PPP4R3A: variants seen among roughly 807,000 people sequenced by gnomAD.
PPP4R3A encodes protein phosphatase 4 regulatory subunit 3A, also known as serine/threonine-protein phosphatase 4 regulatory subunit 3A.
Under a neutral mutation model 91.7 loss-of-function variants are expected in PPP4R3A, and 15 were observed. The observed-to-expected ratio is 0.16, with a 90% CI of 0.11 to 0.25. PPP4R3A has a LOEUF of 0.25. Among genes scored for constraint, PPP4R3A ranks in the 10% least tolerant of loss-of-function variants. The probability of loss-of-function intolerance (pLI) is 1.00; values close to 1 mark genes in which losing one functional copy is unlikely to be tolerated. For synonymous variants in PPP4R3A, 377 were observed against 348.7 expected, an observed-to-expected ratio of 1.08 and a Z score of -0.91; for missense variants, 623 against 998.4, an observed-to-expected ratio of 0.62 and a Z score of 5.07.
intron 7 of PPP4R3A, 76 bp from the exon 8 acceptor site, chr14:91,473,446 A>C (rs1293884110): frequency 1.4e-6 from 2 of 1,441,264 alleles, no homozygotes; most frequent in East Asian, 2.3e-5. Context: ...GACACATACC[A>C]CAGCATTATA....
At chr14:91,504,132 C>G (rs557735415) in intron 1 of PPP4R3A, among the ~76,000 whole-genome samples, 5 of 150,684 alleles carry the variant, frequency 3.3e-5, no homozygotes, top group Admixed American at 6.6e-5. Context: ...GCCTGGGCGA[C>G]AAAGTAAGAC....
At chr14:91,476,292 G>A (rs1343037478) in intron 6 of PPP4R3A, 116 bp downstream of exon 6, 5 of 834,282 alleles carry the variant, frequency 6.0e-6, no homozygotes, top group Admixed American at 5.4e-5. Flanking sequence ...TTAACTTAAT[G>A]AACTACGCAG....
intron 10 of PPP4R3A, among the ~76,000 whole-genome samples, chr14:91,468,091 A>ATC (rs566659435): frequency 3.4e-3 from 519 of 152,310 alleles, no homozygotes; most frequent in Non-Finnish European, 5.9e-3. Context: ...ATACTTATAT[A>ATC]TCCTCAACCC....
intron 1 of PPP4R3A, among the ~76,000 whole-genome samples, chr14:91,499,392 A>G (rs558429349): frequency 6.6e-6 from 1 of 152,310 alleles, no homozygotes; most frequent in South Asian, 2.1e-4. Context: ...AGTACAGTGG[A>G]ATACTACACT....
At chr14:91,498,487 T>TTG (rs1403448206) in intron 1 of PPP4R3A, among the ~76,000 whole-genome samples, 1 of 152,248 alleles carries the variant, frequency 6.6e-6, no homozygotes, top group Non-Finnish European at 1.5e-5. Flanking sequence ...TGGTAAATAT[T>TTG]GATAAATACA....
chr14:91,494,636 G>A (rs532548669), intron 1 of PPP4R3A, among the ~76,000 whole-genome samples: 30 of 152,290 alleles, frequency 2.0e-4, no homozygotes, highest in Non-Finnish European at 3.7e-4. Context: ...GCTGAGGCAG[G>A]TGGATCACTT....
chr14:91,491,941 C>T (rs903707363), intron 1 of PPP4R3A, among the ~76,000 whole-genome samples: 1 of 149,792 alleles, frequency 6.7e-6, no homozygotes, highest in Non-Finnish European at 1.5e-5. Context: ...TGGGCTCAAA[C>T]AATCTACCCA....
At chr14:91,464,187 G>A (rs1306550525) in intron 11 of PPP4R3A, among the ~76,000 whole-genome samples, 4 of 152,112 alleles carry the variant, frequency 2.6e-5, no homozygotes, top group Admixed American at 2.0e-4. Context: ...CGGGTATGGT[G>A]GCGCATGTCT....
At chr14:91,505,171 G>A (rs947877145) in intron 1 of PPP4R3A, among the ~76,000 whole-genome samples, 3 of 152,034 alleles carry the variant, frequency 2.0e-5, no homozygotes, top group Non-Finnish European at 2.9e-5. Flanking sequence ...AAAGAAACGC[G>A]GCCGGGTGTG....
chr14:91,504,985 T>C (rs575823165), intron 1 of PPP4R3A, among the ~76,000 whole-genome samples: 2 of 152,302 alleles, frequency 1.3e-5, no homozygotes, highest in African/African-American at 4.8e-5. Flanking sequence ...CTACCCAGCC[T>C]TTCTATACCC....
At chr14:91,468,906 G>A (rs959768610) in intron 10 of PPP4R3A, among the ~76,000 whole-genome samples, 2 of 151,668 alleles carry the variant, frequency 1.3e-5, no homozygotes, top group African/African-American at 2.4e-5. Context: ...TCAATGTAGT[G>A]CTTATTACTG....
At position 91,509,630 on chromosome 14, in the gene PPP4R3A, C is replaced by T. The variant is rs750602028; in HGVS notation, c.18G>A (p.Arg6=). Residue 6 remains arginine (R), a synonymous_variant, in exon 1 of 15, where the codon CGG becomes CGA. Coordinates refer to ENST00000554943, the MANE Select transcript of PPP4R3A (RefSeq NM_001366432.2). The stretch of plus-strand genomic sequence containing the variant: ...CGTTGAGCGTGTACACCTTCACCCG[C>T]CGCCGGGTGTCGGTCATCGTGCCGC... MTDTR[R]RVKVYTLNED... 6.3e-6 allele frequency: 10 copies of T among 1,599,764 alleles called. No individual in the cohort carries two copies. The South Asian group carries it at 9.9e-5, about 16-fold the overall frequency.
chr14:91,471,761 T>C (rs551466198), intron 9 of PPP4R3A, among the ~76,000 whole-genome samples: 2 of 152,266 alleles, frequency 1.3e-5, no homozygotes, highest in East Asian at 3.9e-4. Flanking sequence ...GTGCTATAAT[T>C]ATGCTATATT....
chr14:91,460,246 C>T (rs1344499899), intron 14 of PPP4R3A, among the ~76,000 whole-genome samples: 2 of 152,082 alleles, frequency 1.3e-5, no homozygotes, highest in African/African-American at 2.4e-5. Flanking sequence ...ATCTCCTGAC[C>T]TCGTGACCCA....
At chr14:91,471,093 T>G in intron 9 of PPP4R3A, 98 bp from the exon 10 acceptor site, 1 of 1,147,042 alleles carries the variant, frequency 8.7e-7, no homozygotes, top group Non-Finnish European at 1.2e-6. Flanking sequence ...ATCTCTTCTA[T>G]TAACCTAAAT....
intron 1 of PPP4R3A, among the ~76,000 whole-genome samples, chr14:91,507,634 T>C (rs1306611378): frequency 5.1e-5 from 2 of 39,322 alleles, no homozygotes; most frequent in Non-Finnish European, 9.8e-5. Flanking sequence ...TTATATATAC[T>C]ATAATAATAT....
At chr14:91,507,207 GCTA>G (rs1439426148) in intron 1 of PPP4R3A, among the ~76,000 whole-genome samples, 3 of 151,260 alleles carry the variant, frequency 2.0e-5, no homozygotes, top group Non-Finnish European at 2.9e-5. Flanking sequence ...CATAGTCCCA[GCTA>G]CTAAGGAGGC....
At chr14:91,503,673 A>G (rs1952200691) in intron 1 of PPP4R3A, among the ~76,000 whole-genome samples, 1 of 152,276 alleles carries the variant, frequency 6.6e-6, no homozygotes, top group Admixed American at 6.5e-5. Flanking sequence ...CATGGCACAC[A>G]TTTACCTATG....
chr14:91,509,790 G>C lies in PPP4R3A; in HGVS notation c.-143C>G. 1.6e-6 allele frequency: 2 copies of C among 1,248,994 alleles called. No individual in the cohort carries two copies. The highest frequency in any genetic ancestry group is 1.6e-5 in the African/African-American group (1 of 63,042). 77.4% of individuals were successfully genotyped at this position (1,248,994 alleles called of 1,614,324 possible). ...TGCCGCCGCTGGGCGCCGCGGGGCC[G>C]CGCCGCCGCCTGCATGGCCCGCTCC... On this transcript the variant is annotated 5_prime_UTR_variant, in exon 1 of 15. Transcript: ENST00000554943.
Sources: gnomAD v4.1 joint callset for allele counts (sites outside exome capture counted in the v4.1 genomes callset) on GRCh38, gnomAD v4.1.1 for gene constraint, MANE v1.5 for transcripts, NCBI Gene and HGNC (gene_info 2026-07-23, HGNC 2026-07-21) for gene names.